TF: variants seen among roughly 807,000 people sequenced by gnomAD.
The protein encoded by TF is serotransferrin.
Under a neutral mutation model 82.4 loss-of-function variants are expected in TF, and 55 were observed. That is an observed-to-expected ratio of 0.67 (90% CI 0.54 to 0.84). The LOEUF is 0.84. Among genes scored for constraint, TF ranks in the 40% least tolerant of loss-of-function variants. The pLI is 0.00. For synonymous variants in TF, 332 were observed against 332.6 expected (o/e 1.00, Z 0.02); for missense variants, 737 against 868.4 (o/e 0.85, Z 1.90).
the TF span, among the ~76,000 whole-genome samples, chr3:133,730,075 G>A: frequency 8.6e-5 from 13 of 152,028 alleles, no homozygotes; most frequent in African/African-American, 2.2e-4. Flanking sequence ...CACATCTAGC[G>A]AAATGAGCTT....
At chr3:133,662,063 G>C in the TF span, 1 of 152,292 alleles carries the variant, frequency 6.6e-6, no homozygotes, top group African/African-American at 2.4e-5. Flanking sequence ...TGGGGCTTCA[G>C]GGAAAGCTTG....
At chr3:133,680,638 A>C in the TF span, among the ~76,000 whole-genome samples, 1 of 149,568 alleles carries the variant, frequency 6.7e-6, no homozygotes, top group South Asian at 2.1e-4. Context: ...GCATAATTCT[A>C]CTCCCTTGGT....
intron 4 of TF, 35 bp from the exon 5 acceptor site, chr3:133,755,328 T>G: frequency 6.2e-7 from 1 of 1,614,098 alleles, no homozygotes; most frequent in African/African-American, 1.3e-5. Flanking sequence ...CCAGCCTCAC[T>G]CATGCTCTGT....
At chr3:133,740,709 T>C in the TF span, among the ~76,000 whole-genome samples, 1 of 152,132 alleles carries the variant, frequency 6.6e-6, no homozygotes, top group Admixed American at 6.5e-5. Context: ...TGATTGGGAG[T>C]ACATTGAATT....
intron 14 of TF, among the ~76,000 whole-genome samples, chr3:133,771,706 C>T (rs555812621): frequency 1.6e-5 from 2 of 128,502 alleles, no homozygotes; most frequent in African/African-American, 6.2e-5. Flanking sequence ...CACTGCAGTC[C>T]GCAGTCCGGC....
chr3:133,794,420 T>A lies in TF; in HGVS notation c.*15800T>A, dbSNP rs192717185. ...TTATTCAATTGTTATTTTCAGTGCA[T>A]GTTTTCTGGTTGTATAAAAGCTTTC... On this transcript the variant is annotated 3_prime_UTR_variant, in exon 17 of 17. Transcript: ENST00000402696. 7.9e-5 allele frequency: 12 copies of A among 152,364 alleles called. No individual in the cohort carries two copies. Among genetic ancestry groups the A allele is most frequent in the South Asian group, 6.2e-4 (3 of 4,830 alleles). 9.4% of individuals were successfully genotyped at this position (152,364 alleles called of 1,614,324 possible). A position where few individuals can be genotyped will look rare whatever the true frequency, so the allele number is the denominator to read the frequency against.
At position 133,748,534 on chromosome 3, in the gene TF, G is replaced by T; in HGVS notation, c.166G>T (p.Val56Phe). ...CGTCATTCCATCCGATGGTCCCAGT[G>T]TTGCTTGTGTGAAGAAAGCCTCCTA... ...KSVIPSDGPS[V>F]ACVKKASYLD... Residue 56 changes from valine to phenylalanine, a missense_variant, in exon 2 of 17, where the codon GTT becomes TTT. Coordinates refer to ENST00000402696, the MANE Select transcript of TF (RefSeq NM_001063.4). 1 of 1,614,118 alleles carries T rather than the reference G, an allele frequency of 6.2e-7. No homozygotes were observed. The highest frequency in any genetic ancestry group is 8.5e-7 in the Non-Finnish European group (1 of 1,180,032).
At chr3:133,696,603 C>A in the TF span, among the ~76,000 whole-genome samples, 2 of 152,148 alleles carry the variant, frequency 1.3e-5, no homozygotes, top group Non-Finnish European at 2.9e-5. Context: ...ATAATCAATT[C>A]TCTTAGTCAT....
At chr3:133,775,020 A>G in intron 14 of TF, 1 of 331,112 alleles carries the variant, frequency 3.0e-6, no homozygotes, top group African/African-American at 2.1e-5. Context: ...GTGTTCTCTG[A>G]GGAAAAGTTC....
chr3:133,713,714 G>T, the TF span, among the ~76,000 whole-genome samples: 1 of 152,138 alleles, frequency 6.6e-6, no homozygotes, highest in African/African-American at 2.4e-5. Flanking sequence ...GCTTCCTCAG[G>T]GTCCGGCAGT....
chr3:133,733,270 C>T, the TF span, among the ~76,000 whole-genome samples: 2 of 151,212 alleles, frequency 1.3e-5, no homozygotes, highest in South Asian at 4.2e-4. Flanking sequence ...GGGAGAGGGG[C>T]CTGTGGAGGA....
At chr3:133,701,013 G>A in the TF span, 1 of 152,588 alleles carries the variant, frequency 6.6e-6, no homozygotes, top group African/African-American at 2.4e-5. Context: ...AGCTGTACCT[G>A]GGATATGAGT....
At position 133,753,636 on chromosome 3, in the gene TF, G is replaced by A. The variant is rs753205471; in HGVS notation, c.258G>A (p.Val86=). 17 of 1,614,222 alleles carry A rather than the reference G, an allele frequency of 1.1e-5. No individual in the cohort carries two copies. The East Asian group carries it at 1.1e-4, about 11-fold the overall frequency. ...ADAVTLDAGL[V]YDAYLAPNNL... is the part of the protein sequence containing the mutation. ...CTGTGACACTGGATGCAGGTTTGGT[G>A]TATGATGCTTACCTGGCTCCCAATA... The change falls in exon 3 of 17, where the codon GTG becomes GTA. Residue 86 remains valine, a synonymous_variant. Coordinates refer to ENST00000402696, the MANE Select transcript of TF (RefSeq NM_001063.4).
chr3:133,706,407 T>A, the TF span, among the ~76,000 whole-genome samples: 1 of 152,132 alleles, frequency 6.6e-6, no homozygotes, highest in Non-Finnish European at 1.5e-5. Flanking sequence ...TGCCTCCAGA[T>A]AAGCAGAGAG....
At position 133,788,172 on chromosome 3, in the gene TF, A is replaced by G. The variant is rs1320388855; in HGVS notation, c.*9552A>G. 1 of 152,320 alleles carries G rather than the reference A, an allele frequency of 6.6e-6. No homozygotes were observed. Among genetic ancestry groups the G allele is most frequent in the Admixed American group, 6.5e-5 (1 of 15,292 alleles). The allele number at this position is 152,320 out of a possible 1,614,324, so 9.4% of individuals were successfully genotyped here. ...CTAGAAATAAATGAAATGGAAACAC[A>G]TCAGCTATGACAGGACATATACTCT... On this transcript the variant is annotated 3_prime_UTR_variant, in exon 17 of 17. Coordinates refer to ENST00000402696, the MANE Select transcript of TF (RefSeq NM_001063.4).
chr3:133,753,545 C>A, intron 2 of TF, 50 bp from the exon 3 acceptor site: 1 of 1,536,650 alleles, frequency 6.5e-7, no homozygotes, highest in Non-Finnish European at 9.0e-7. Context: ...TTGAGGTGGG[C>A]CTTCCTTGGA....
At position 133,790,875 on chromosome 3, in the gene TF, C is replaced by G. The variant is rs1576375031; in HGVS notation, c.*12255C>G. The G allele has an allele frequency of 6.6e-6, 1 of 152,100 alleles. No homozygotes were observed. The highest frequency in any genetic ancestry group is 2.4e-5 in the African/African-American group (1 of 41,432). 9.4% of individuals were successfully genotyped at this position (152,100 alleles called of 1,614,324 possible). ...AGGATACTGAATTGTGTATCAGGAA[C>G]AAAATATTCATTATGTGGGTTTTGG... On this transcript the variant is annotated 3_prime_UTR_variant, in exon 17 of 17. Coordinates refer to ENST00000402696, the MANE Select transcript of TF (RefSeq NM_001063.4).
At chr3:133,686,264 AT>A in the TF span, among the ~76,000 whole-genome samples, 1 of 152,202 alleles carries the variant, frequency 6.6e-6, no homozygotes, top group Non-Finnish European at 1.5e-5. Context: ...AACCTAGGCA[AT>A]ACCATTCAGG....
At chr3:133,698,619 T>G in the TF span, among the ~76,000 whole-genome samples, 4 of 152,324 alleles carry the variant, frequency 2.6e-5, no homozygotes, top group East Asian at 7.7e-4. Flanking sequence ...GCATGTCTTC[T>G]GTGTCCAAAC....
Sources: allele counts gnomAD v4.1 joint callset (sites outside exome capture counted in the v4.1 genomes callset), GRCh38; gene constraint gnomAD v4.1.1; transcripts MANE v1.5; gene names NCBI Gene and HGNC (gene_info 2026-07-23, HGNC 2026-07-21).